MYRFL: variants seen among roughly 807,000 people sequenced by gnomAD.
MYRFL encodes the protein myelin regulatory factor like, also known as myelin regulatory factor-like protein.
A neutral mutation model predicts 109.4 loss-of-function variants in MYRFL; 88 were observed. That is an observed-to-expected ratio of 0.80 (90% CI 0.68 to 0.96). The LOEUF (loss-of-function observed/expected upper bound fraction) is 0.96, where lower values mean the gene tolerates loss of function less well. MYRFL is among the 40% of genes least tolerant of loss of function. The probability of loss-of-function intolerance (pLI) is 0.00; values close to 1 mark genes in which losing one functional copy is unlikely to be tolerated. For synonymous variants in MYRFL, 324 were observed against 320.9 expected (o/e 1.01, Z -0.10); for missense variants, 957 against 954.9 (o/e 1.00, Z -0.03).
chr12:69,942,656 A>G (rs1955697441), intron 19 of MYRFL, among the ~76,000 whole-genome samples: 1 of 151,660 alleles, frequency 6.6e-6, no homozygotes, highest in African/African-American at 2.4e-5. Flanking sequence ...CACCAGTCCT[A>G]TTCAACATAG....
chr12:69,952,037 G>T (rs963690902), intron 19 of MYRFL, 76 bp from the exon 20 acceptor site: 4 of 1,246,750 alleles, frequency 3.2e-6, no homozygotes, highest in Admixed American at 2.0e-5. Flanking sequence ...TCACAGAGAT[G>T]AACTAGGTCA....
At chr12:69,906,496 T>A (rs1210912542) in intron 11 of MYRFL, among the ~76,000 whole-genome samples, 1 of 151,558 alleles carries the variant, frequency 6.6e-6, no homozygotes. Context: ...AAGTTGAGAG[T>A]TGAATACATC....
chr12:69,912,674 T>C (rs965692363), intron 13 of MYRFL, among the ~76,000 whole-genome samples: 18 of 152,242 alleles, frequency 1.2e-4, no homozygotes, highest in African/African-American at 2.4e-4. Flanking sequence ...TTTTCACCTT[T>C]ATTCACATTT....
intron 1 of MYRFL, among the ~76,000 whole-genome samples, chr12:69,832,265 T>C (rs1031457224): frequency 2.6e-5 from 4 of 152,152 alleles, no homozygotes; most frequent in African/African-American, 9.7e-5. Flanking sequence ...CTGTTTTAGT[T>C]GGCTATGACA....
chr12:69,881,997 A>T (rs992411040), intron 5 of MYRFL, among the ~76,000 whole-genome samples: 4 of 152,188 alleles, frequency 2.6e-5, no homozygotes, highest in Non-Finnish European at 4.4e-5. Flanking sequence ...AGGACAAGTC[A>T]CTCAAACCTT....
At chr12:69,839,099 C>T (rs773070334) in intron 1 of MYRFL, among the ~76,000 whole-genome samples, 12 of 152,226 alleles carry the variant, frequency 7.9e-5, no homozygotes, top group African/African-American at 2.9e-4. Context: ...GCTAAAGGAA[C>T]GTAGATCCAT....
chr12:69,918,911 C>T (rs1220119183), intron 13 of MYRFL, among the ~76,000 whole-genome samples: 1 of 152,134 alleles, frequency 6.6e-6, no homozygotes. Flanking sequence ...AAGAGACTGA[C>T]AATTATTTTC....
chr12:69,862,338 G>A (rs2136325267), intron 2 of MYRFL, among the ~76,000 whole-genome samples: 1 of 152,014 alleles, frequency 6.6e-6, no homozygotes, highest in South Asian at 2.1e-4. Flanking sequence ...ATTACCTTGG[G>A]CAGTATGGCC....
chr12:69,869,309 G>A (rs182864542), intron 2 of MYRFL, among the ~76,000 whole-genome samples: 12 of 152,252 alleles, frequency 7.9e-5, no homozygotes, highest in Non-Finnish European at 1.5e-4. Flanking sequence ...TTTTCAAATT[G>A]TCTACAGACA....
intron 14 of MYRFL, among the ~76,000 whole-genome samples, chr12:69,927,062 A>G (rs1383380921): frequency 6.8e-6 from 1 of 148,078 alleles, no homozygotes; most frequent in Non-Finnish European, 1.5e-5. Flanking sequence ...CTCCTGCCTC[A>G]ACCTCCCGAG....
At chr12:69,951,913 C>T (rs1252564950) in intron 19 of MYRFL, among the ~76,000 whole-genome samples, 200 bp from the exon 20 acceptor site, 1 of 152,078 alleles carries the variant, frequency 6.6e-6, no homozygotes, top group African/African-American at 2.4e-5. Context: ...CCAATTTAGT[C>T]CATAACAGAT....
chr12:69,887,650 C>A (rs942776759), intron 6 of MYRFL, among the ~76,000 whole-genome samples: 1 of 152,156 alleles, frequency 6.6e-6, no homozygotes, highest in Non-Finnish European at 1.5e-5. Context: ...TGGGCTATAA[C>A]TTAAGTTAAA....
intron 11 of MYRFL, among the ~76,000 whole-genome samples, chr12:69,907,404 T>C (rs1317037677): frequency 6.6e-6 from 1 of 152,150 alleles, no homozygotes; most frequent in Non-Finnish European, 1.5e-5. Flanking sequence ...ACAGCCTACA[T>C]GAGGGTACTT....
At chr12:69,916,056 C>T (rs1954719650) in intron 13 of MYRFL, among the ~76,000 whole-genome samples, 1 of 151,762 alleles carries the variant, frequency 6.6e-6, no homozygotes, top group Non-Finnish European at 1.5e-5. Context: ...TGTACACCAC[C>T]CTACTGTGGC....
chr12:69,893,429 A>G (rs1240268), intron 7 of MYRFL, among the ~76,000 whole-genome samples: 64,334 of 152,040 alleles, frequency 0.42, 14,063 homozygotes, highest in East Asian at 0.71. Context: ...TGGGTGCTCC[A>G]TAAGTACTTC....
intron 1 of MYRFL, among the ~76,000 whole-genome samples, chr12:69,831,838 C>T (rs1294718906): frequency 6.6e-6 from 1 of 151,990 alleles, no homozygotes; most frequent in Non-Finnish European, 1.5e-5. Flanking sequence ...CTTGTTTATT[C>T]AGTCAGTTGT....
chr12:69,929,137 G>A (rs1167199940), intron 15 of MYRFL, among the ~76,000 whole-genome samples: 1 of 152,154 alleles, frequency 6.6e-6, no homozygotes. Context: ...ATTCCCAGAA[G>A]TATGACAACT....
intron 13 of MYRFL, among the ~76,000 whole-genome samples, chr12:69,926,181 A>G (rs1955074974): frequency 2.3e-5 from 3 of 128,602 alleles, no homozygotes; most frequent in East Asian, 2.1e-4. Context: ...TTGGAGTGCA[A>G]TGGCACAATC....
chr12:69,920,928 A>G (rs1954890953), intron 13 of MYRFL, among the ~76,000 whole-genome samples: 1 of 152,212 alleles, frequency 6.6e-6, no homozygotes. Context: ...AGTCTCAAAC[A>G]GTGAGTAAAA....
Sources: allele counts gnomAD v4.1 joint callset (sites outside exome capture counted in the v4.1 genomes callset), GRCh38; gene constraint gnomAD v4.1.1; transcripts MANE v1.5; gene names NCBI Gene and HGNC (gene_info 2026-07-23, HGNC 2026-07-21).